GBE1: variants seen among roughly 807,000 people sequenced by gnomAD.
GBE1 encodes the protein 1,4-alpha-glucan branching enzyme 1, also known as 1,4-alpha-glucan-branching enzyme.
GBE1 carries 70 observed loss-of-function variants against 88.8 expected under a neutral mutation model. That is an observed-to-expected ratio of 0.79 (90% confidence interval 0.65 to 0.96). GBE1 has a LOEUF of 0.96. Among genes scored for constraint, GBE1 ranks in the 40% least tolerant of loss-of-function variants. The probability of loss-of-function intolerance (pLI) is 0.00; values close to 1 mark genes in which losing one functional copy is unlikely to be tolerated. For missense variants in GBE1, 872 were observed against 871.0 expected (o/e 1.00, Z -0.01); for synonymous variants, 284 against 300.1 (o/e 0.95, Z 0.56).
At chr3:81,531,431 G>A (rs1703010073) in intron 14 of GBE1, among the ~76,000 whole-genome samples, 1 of 151,654 alleles carries the variant, frequency 6.6e-6, no homozygotes. Context: ...GAATGTGCCG[G>A]GTCACATCTG....
intron 3 of GBE1, among the ~76,000 whole-genome samples, chr3:81,663,232 C>T (rs1390279302): frequency 1.3e-5 from 2 of 152,156 alleles, no homozygotes; most frequent in Non-Finnish European, 2.9e-5. Context: ...TCCAATACCA[C>T]CCTGGCCCGC....
At chr3:81,651,468 C>T (rs1029559379) in intron 3 of GBE1, among the ~76,000 whole-genome samples, 1 of 152,120 alleles carries the variant, frequency 6.6e-6, no homozygotes, top group African/African-American at 2.4e-5. Flanking sequence ...ATGCCTCCCA[C>T]CTATTAAAGC....
At chr3:81,533,516 C>T (rs534332417) in intron 14 of GBE1, among the ~76,000 whole-genome samples, 1 of 152,160 alleles carries the variant, frequency 6.6e-6, no homozygotes, top group East Asian at 1.9e-4. Context: ...TCTTTGCCCT[C>T]AATGTCACTG....
chr3:81,592,679 C>T (rs1056378712), intron 8 of GBE1, among the ~76,000 whole-genome samples: 1 of 151,664 alleles, frequency 6.6e-6, no homozygotes, highest in African/African-American at 2.4e-5. Flanking sequence ...AAAAGCACAT[C>T]CCATATCCAT....
At chr3:81,640,138 G>A (rs1704650102) in intron 7 of GBE1, among the ~76,000 whole-genome samples, 1 of 152,166 alleles carries the variant, frequency 6.6e-6, no homozygotes, top group African/African-American at 2.4e-5. Context: ...ATGACTAATT[G>A]TGATGGTTTA....
chr3:81,738,978 C>A (rs1413982616), intron 1 of GBE1, among the ~76,000 whole-genome samples: 1 of 152,126 alleles, frequency 6.6e-6, no homozygotes, highest in Non-Finnish European at 1.5e-5. Flanking sequence ...AGGTTCCATG[C>A]CTGGTGAGGG....
chr3:81,656,093 A>G lies in GBE1; in HGVS notation c.430-6172T>C, dbSNP rs527672409. 2.1e-4 allele frequency among the ~76,000 whole-genome samples: 32 copies of G among 152,280 alleles called. 1 individual carries two copies. In the Middle Eastern group the frequency reaches 0.01, roughly 49 times the overall value. ...CATTAATGAAGCTTATGTGAAGAGT[A>G]TGTGGGCAAGAATCTCTTTGCCATT... On this transcript the variant is annotated intron_variant, in intron 3 of 15. Coordinates refer to ENST00000429644, the MANE Select transcript of GBE1 (RefSeq NM_000158.4).
At chr3:81,742,936 CCAA>C (rs1420748192) in intron 1 of GBE1, among the ~76,000 whole-genome samples, 2 of 152,094 alleles carry the variant, frequency 1.3e-5, no homozygotes, top group East Asian at 1.9e-4. Context: ...TAGGGACCCT[CCAA>C]CAACGACAGT....
At chr3:81,586,990 T>A (rs974550709) in intron 9 of GBE1, among the ~76,000 whole-genome samples, 1 of 151,912 alleles carries the variant, frequency 6.6e-6, no homozygotes, top group African/African-American at 2.4e-5. Flanking sequence ...TGGGGTTTCA[T>A]CATGTTGGCC....
At chr3:81,568,796 A>G (rs1183897166) in intron 12 of GBE1, among the ~76,000 whole-genome samples, 3 of 152,076 alleles carry the variant, frequency 2.0e-5, no homozygotes, top group African/African-American at 7.2e-5. Flanking sequence ...ATATATATAT[A>G]TGTGCATGTG....
At chr3:81,748,575 C>T (rs888374188) in intron 1 of GBE1, among the ~76,000 whole-genome samples, 1 of 152,156 alleles carries the variant, frequency 6.6e-6, no homozygotes, top group Non-Finnish European at 1.5e-5. Flanking sequence ...CGCGCCACTG[C>T]ACTCCAGCCT....
rs12633116 is a variant in GBE1, at chr3:81,745,689, T to A, written c.143+15686A>T. Among the ~76,000 whole-genome samples the A allele has an allele frequency of 6.6e-5, 10 of 152,204 alleles. No individual in the cohort carries two copies. In the East Asian group the frequency reaches 1.7e-3, roughly 26 times the overall value. On this transcript the variant is annotated intron_variant, in intron 1 of 15. Coordinates refer to ENST00000429644, the MANE Select transcript of GBE1 (RefSeq NM_000158.4). ...CTTAGCACAAATGACAGGTAAAATA[T>A]CTCATCAGTAATCTTTTAAGTTACA...
intron 3 of GBE1, among the ~76,000 whole-genome samples, chr3:81,653,703 A>G (rs1045246224): frequency 6.6e-6 from 1 of 152,208 alleles, no homozygotes; most frequent in Non-Finnish European, 1.5e-5. Context: ...GTTGCAGAAA[A>G]AGTCTTCTAA....
intron 1 of GBE1, among the ~76,000 whole-genome samples, chr3:81,740,989 G>A (rs935671531): frequency 6.6e-6 from 1 of 152,050 alleles, no homozygotes; most frequent in Admixed American, 6.6e-5. Context: ...AAAAAATAGA[G>A]CACAGAGCCA....
At chr3:81,684,526 A>G (rs1364607221) in intron 2 of GBE1, among the ~76,000 whole-genome samples, 1 of 152,104 alleles carries the variant, frequency 6.6e-6, no homozygotes, top group South Asian at 2.1e-4. Context: ...GGTCTCTTAC[A>G]TGGGCACTAA....
intron 2 of GBE1, among the ~76,000 whole-genome samples, chr3:81,701,933 T>A (rs1219846844): frequency 2.0e-5 from 3 of 151,504 alleles, no homozygotes; most frequent in Admixed American, 6.6e-5. Flanking sequence ...AGCATTTATA[T>A]TTGATTATTC....
At chr3:81,573,283 C>T (rs994606584) in intron 12 of GBE1, among the ~76,000 whole-genome samples, 8 of 152,226 alleles carry the variant, frequency 5.3e-5, no homozygotes, top group African/African-American at 1.9e-4. Flanking sequence ...TCTTAACTGG[C>T]TGTAATCTCA....
intron 7 of GBE1, among the ~76,000 whole-genome samples, chr3:81,635,607 G>T (rs891494231): frequency 6.6e-6 from 1 of 152,130 alleles, no homozygotes; most frequent in African/African-American, 2.4e-5. Flanking sequence ...TAAACAAGCT[G>T]TTTTGCTACA....
chr3:81,750,673 ACG>A (rs1491428017), intron 1 of GBE1, among the ~76,000 whole-genome samples: 11 of 72,956 alleles, frequency 1.5e-4, no homozygotes, highest in African/African-American at 9.3e-4. Context: ...ATATATATAT[ACG>A]TATATATATA....
Sources: allele counts gnomAD v4.1 joint callset (sites outside exome capture counted in the v4.1 genomes callset), GRCh38; gene constraint gnomAD v4.1.1; transcripts MANE v1.5; gene names NCBI Gene and HGNC (gene_info 2026-07-23, HGNC 2026-07-21).